Variants in CPA6 observed in about 807,000 individuals in gnomAD.
CPA6 encodes the protein carboxypeptidase B.
In CPA6, 58 loss-of-function variants were observed where a neutral mutation model predicts 63.3. The observed-to-expected ratio is 0.92, with a 90% CI of 0.74 to 1.14. The LOEUF (loss-of-function observed/expected upper bound fraction) is 1.14, where lower values mean the gene tolerates loss of function less well. Among genes scored for constraint, CPA6 ranks in the 50% most tolerant of loss-of-function variants. CPA6 has a pLI of 0.00. For missense variants in CPA6, 565 were observed against 526.6 expected (o/e 1.07, Z -0.71); for synonymous variants, 185 against 179.0 (o/e 1.03, Z -0.27).
At chr8:67,614,638 G>A (rs905944529) in intron 2 of CPA6, among the ~76,000 whole-genome samples, 4 of 152,092 alleles carry the variant, frequency 2.6e-5, no homozygotes, top group African/African-American at 9.7e-5. Flanking sequence ...AGAGAAAATT[G>A]CCCCCATTTT....
At chr8:67,562,437 C>T (rs571598820) in intron 2 of CPA6, among the ~76,000 whole-genome samples, 15 of 152,254 alleles carry the variant, frequency 9.9e-5, no homozygotes, top group Middle Eastern at 3.4e-3. Context: ...TGGTTGAAAG[C>T]GCTAAGCCCT....
chr8:67,598,590 A>T (rs1814409255), intron 2 of CPA6, among the ~76,000 whole-genome samples: 2 of 152,192 alleles, frequency 1.3e-5, no homozygotes, highest in African/African-American at 2.4e-5. Context: ...ATAACATTGT[A>T]TTGAGCTTGA....
intron 8 of CPA6, among the ~76,000 whole-genome samples, chr8:67,440,048 G>A (rs1810255675): frequency 6.6e-6 from 1 of 152,164 alleles, no homozygotes; most frequent in Admixed American, 6.5e-5. Flanking sequence ...TCCTAAGGCT[G>A]CCGTAACACA....
chr8:67,434,247 G>A lies in CPA6; in HGVS notation c.839-7C>T, dbSNP rs552521766. 1 of 1,612,110 alleles carries A rather than the reference G, an allele frequency of 6.2e-7. No individual in the cohort carries two copies. Among genetic ancestry groups the A allele is most frequent in the African/African-American group, 1.3e-5 (1 of 75,022 alleles). On this transcript the variant is annotated splice_polypyrimidine_tract_variant and splice_region_variant and intron_variant, in intron 8 of 10. Transcript: ENST00000297770. ...TGCATAGAAGCTCCTTCATCTGCAA[G>A]TCAGAAAAGAAAATGGGGTAAGGAA...
intron 1 of CPA6, among the ~76,000 whole-genome samples, chr8:67,674,355 A>G (rs138694098): frequency 6.6e-6 from 1 of 152,370 alleles, no homozygotes; most frequent in East Asian, 1.9e-4. Context: ...CTTAGCTGTA[A>G]CAAGGCAAGC....
intron 2 of CPA6, among the ~76,000 whole-genome samples, chr8:67,573,325 T>A (rs1813533972): frequency 6.6e-6 from 1 of 152,306 alleles, no homozygotes; most frequent in Non-Finnish European, 1.5e-5. Flanking sequence ...AAAGAAGAAG[T>A]TAAATTGTCA....
intron 1 of CPA6, among the ~76,000 whole-genome samples, chr8:67,643,261 A>G (rs1248590170): frequency 6.6e-6 from 1 of 152,198 alleles, no homozygotes; most frequent in African/African-American, 2.4e-5. Context: ...GAGGTAGGAG[A>G]GTCATACAGG....
At chr8:67,644,942 T>C (rs1815683156) in intron 1 of CPA6, among the ~76,000 whole-genome samples, 1 of 152,188 alleles carries the variant, frequency 6.6e-6, no homozygotes, top group Non-Finnish European at 1.5e-5. Context: ...TGTCTCAGAA[T>C]GCACCTATAG....
chr8:67,599,545 C>T (rs1462382250), intron 2 of CPA6, among the ~76,000 whole-genome samples: 1 of 152,148 alleles, frequency 6.6e-6, no homozygotes, highest in Middle Eastern at 3.2e-3. Context: ...TAATTATAAT[C>T]AACTATTGTT....
intron 3 of CPA6, among the ~76,000 whole-genome samples, chr8:67,512,993 C>T (rs1231627396): frequency 5.3e-5 from 8 of 152,160 alleles, no homozygotes; most frequent in Non-Finnish European, 8.8e-5. Context: ...TATTGAGCAC[C>T]TACTATGGAC....
rs191693952 is a variant in CPA6, at chr8:67,483,910, C to T, written c.748-52G>A. ...TGAGAAAAATACTTAAAAGGTTATT[C>T]GCATGCATTTTAATAGCTCAATCAA... is the stretch of plus-strand genomic sequence containing the variant. On this transcript the variant is annotated intron_variant, in intron 7 of 10. Transcript: ENST00000297770. 154 of 1,418,358 alleles carry T rather than the reference C, an allele frequency of 1.1e-4. No homozygotes were observed. The East Asian group carries it at 1.2e-3, about 11-fold the overall frequency. The allele number at this position is 1,418,358 out of a possible 1,614,324, so 87.9% of individuals were successfully genotyped here.
chr8:67,486,196 T>C (rs1811472801), intron 6 of CPA6, among the ~76,000 whole-genome samples: 1 of 152,232 alleles, frequency 6.6e-6, no homozygotes, highest in South Asian at 2.1e-4. Context: ...GATAAGCCCA[T>C]TTGGTTATGA....
At chr8:67,495,874 A>G (rs1435016949) in intron 6 of CPA6, among the ~76,000 whole-genome samples, 2 of 152,098 alleles carry the variant, frequency 1.3e-5, no homozygotes, top group Non-Finnish European at 2.9e-5. Flanking sequence ...ATTTTACTTC[A>G]TTGGACCAAA....
chr8:67,677,776 A>C (rs1030110986), intron 1 of CPA6, among the ~76,000 whole-genome samples: 6 of 152,176 alleles, frequency 3.9e-5, no homozygotes, highest in African/African-American at 1.4e-4. Flanking sequence ...GTGGATGGCT[A>C]TCAGAGAAAA....
In CPA6 at chr8:67,701,824, A is replaced by G. The variant is rs117462060; in HGVS notation, c.116+44190T>C. On this transcript the variant is annotated intron_variant, in intron 1 of 10. Transcript: ENST00000297770. ...TTCCTGGGAAGAACTGTAACTTCCT[A>G]TAAAGAGCAGAATGTTTTTATTTCT... Among the ~76,000 whole-genome samples the G allele has an allele frequency of 1.9e-3, 282 of 152,332 alleles. 1 individual carries two copies. The highest frequency in any genetic ancestry group is 0.012 in the Admixed American group (181 of 15,300).
intron 1 of CPA6, among the ~76,000 whole-genome samples, chr8:67,718,248 C>G (rs561557218): frequency 6.6e-6 from 1 of 152,024 alleles, no homozygotes; most frequent in Admixed American, 6.6e-5. Context: ...AGGTAACTAT[C>G]CAGAAACTCA....
At chr8:67,542,707 T>C (rs4737845) in intron 2 of CPA6, among the ~76,000 whole-genome samples, 69,499 of 152,066 alleles carry the variant, frequency 0.46, 20,257 homozygotes, top group African/African-American at 0.83. Context: ...TGCCAGATAA[T>C]AGCAGCTGAA....
At chr8:67,664,982 G>A (rs1185256854) in intron 1 of CPA6, among the ~76,000 whole-genome samples, 5 of 152,162 alleles carry the variant, frequency 3.3e-5, no homozygotes, top group Non-Finnish European at 7.4e-5. Flanking sequence ...ACCTAGGAAA[G>A]GGCGAGGCAG....
rs750988966 is a variant in CPA6, at chr8:67,506,805, A to C, written c.618T>G (p.Cys206Trp). ...HAREWIGPAF[C>W]QWFVKEALLT... ...AACTTACTTCTTTTACAAACCACTG[A>C]CAAAAGGCAGGACCAATCCATTCTC... The change falls in exon 6 of 11, where the codon TGT (cysteine) becomes TGG (tryptophan). Residue 206 changes from cysteine (C) to tryptophan (W), a missense_variant. Coordinates refer to ENST00000297770, the MANE Select transcript of CPA6 (RefSeq NM_020361.5). 4 of 1,612,008 alleles carry C rather than the reference A, an allele frequency of 2.5e-6. No individual in the cohort carries two copies. In the South Asian group the frequency reaches 3.3e-5, roughly 13 times the overall value.
Sources: allele counts gnomAD v4.1 joint callset (sites outside exome capture counted in the v4.1 genomes callset), GRCh38; gene constraint gnomAD v4.1.1; transcripts MANE v1.5; gene names NCBI Gene and HGNC (gene_info 2026-07-23, HGNC 2026-07-21).